CRYZ: variants seen among roughly 807,000 people sequenced by gnomAD.
The protein encoded by CRYZ is crystallin zeta, also known as zeta-crystallin.
CRYZ carries 35 observed loss-of-function variants against 34.1 expected under a neutral mutation model. The observed-to-expected ratio is 1.03, with a 90% CI of 0.78 to 1.36. The LOEUF is 1.36. CRYZ is among the 40% of genes most tolerant of loss of function. The probability of loss-of-function intolerance (pLI) is 0.00; values close to 1 mark genes in which losing one functional copy is unlikely to be tolerated. For missense variants in CRYZ, 403 were observed against 391.8 expected (o/e 1.03, Z -0.24); for synonymous variants, 137 against 136.5 (o/e 1.00, Z -0.03).
Position 74,714,560 on chromosome 1 carries a change from C to T in CRYZ, c.480+19G>A, listed in dbSNP as rs1647045739. On this transcript the variant is annotated intron_variant, in intron 5 of 8. Transcript: ENST00000340866. ...ATAAACCCAAGCTTGTTTCAAAATA[C>T]ATTAAAAAAAATACTTACTCCTCCA... 6.2e-7 allele frequency: 1 copy of T among 1,611,276 alleles called. No individual in the cohort carries two copies. Among genetic ancestry groups the T allele is most frequent in the African/African-American group, 1.3e-5 (1 of 74,928 alleles).
intron 5 of CRYZ, among the ~76,000 whole-genome samples, chr1:74,712,566 G>A (rs1029325321): frequency 1.3e-5 from 2 of 152,152 alleles, no homozygotes; most frequent in Non-Finnish European, 2.9e-5. Flanking sequence ...TGGGAATAAC[G>A]AGGCTGGACT....
chr1:74,709,601 G>C (rs1313616752), intron 6 of CRYZ, among the ~76,000 whole-genome samples: 3 of 152,178 alleles, frequency 2.0e-5, no homozygotes, highest in Admixed American at 2.0e-4. Flanking sequence ...CTTGAATTCT[G>C]TTAAATGCAG....
chr1:74,715,577 C>A (rs144132624), intron 4 of CRYZ, among the ~76,000 whole-genome samples: 1 of 152,218 alleles, frequency 6.6e-6, no homozygotes, highest in Non-Finnish European at 1.5e-5. Context: ...ATAAGTGAAG[C>A]TTTCTCCCAC....
intron 5 of CRYZ, 65 bp from the exon 6 acceptor site, chr1:74,710,312 A>T: frequency 1.4e-6 from 2 of 1,458,490 alleles, no homozygotes; most frequent in Non-Finnish European, 9.3e-7. Context: ...TTAAATACAT[A>T]CAATGAACTT....
intron 8 of CRYZ, 112 bp from the exon 9 acceptor site, chr1:74,706,569 A>G: frequency 9.9e-7 from 1 of 1,012,132 alleles, no homozygotes; most frequent in Non-Finnish European, 1.4e-6. Context: ...GTCTCTTACA[A>G]ATGTGTGACT....
chr1:74,723,574 A>G (rs765517172), intron 2 of CRYZ, among the ~76,000 whole-genome samples: 4 of 152,246 alleles, frequency 2.6e-5, no homozygotes, highest in Non-Finnish European at 4.4e-5. Flanking sequence ...GGGTACACAG[A>G]AAGAGTGGTA....
chr1:74,724,448 A>G (rs1474873914), intron 2 of CRYZ, among the ~76,000 whole-genome samples: 1 of 152,220 alleles, frequency 6.6e-6, no homozygotes, highest in Non-Finnish European at 1.5e-5. Flanking sequence ...GTCCATTCAG[A>G]AAAATCCAAT....
chr1:74,710,589 G>A (rs1386246361), intron 5 of CRYZ, among the ~76,000 whole-genome samples: 1 of 152,202 alleles, frequency 6.6e-6, no homozygotes, highest in Non-Finnish European at 1.5e-5. Flanking sequence ...AGTTAGACCA[G>A]TCTGACTGCA....
At chr1:74,732,110 C>A (rs958093744) in intron 1 of CRYZ, among the ~76,000 whole-genome samples, 2 of 139,748 alleles carry the variant, frequency 1.4e-5, no homozygotes, top group Admixed American at 7.1e-5. Context: ...CTGGGCTGTG[C>A]GAAGGGGCAC....
chr1:74,727,689 T>C (rs1647451111), intron 1 of CRYZ, among the ~76,000 whole-genome samples: 1 of 148,942 alleles, frequency 6.7e-6, no homozygotes, highest in Non-Finnish European at 1.5e-5. Context: ...TCATGAGACT[T>C]ACTATCATGG....
chr1:74,712,167 G>C (rs1205169513), intron 5 of CRYZ, among the ~76,000 whole-genome samples: 1 of 152,286 alleles, frequency 6.6e-6, no homozygotes, highest in Admixed American at 6.5e-5. Flanking sequence ...AACAATACTA[G>C]GAAATATATC....
intron 4 of CRYZ, among the ~76,000 whole-genome samples, chr1:74,719,002 A>T (rs1463062300): frequency 6.6e-6 from 1 of 152,152 alleles, no homozygotes; most frequent in Non-Finnish European, 1.5e-5. Context: ...GACTGTGAGC[A>T]TCTTGAAGAC....
chr1:74,707,008 C>T lies in CRYZ; in HGVS notation c.733-14G>A, dbSNP rs1212010015. 1.2e-6 allele frequency: 2 copies of T among 1,606,840 alleles called. No individual in the cohort carries two copies. The highest frequency in any genetic ancestry group is 2.2e-5 in the South Asian group (2 of 90,670). On this transcript the variant is annotated splice_polypyrimidine_tract_variant and intron_variant, in intron 7 of 8. Coordinates refer to ENST00000340866, the MANE Select transcript of CRYZ (RefSeq NM_001889.4). Reference sequence around the variant, plus strand: ...GCTGCCAACAACCTAACATGAAAAACAGCAATTCTACAGTTAAAGATTACT... The same window carrying T: ...GCTGCCAACAACCTAACATGAAAAATAGCAATTCTACAGTTAAAGATTACT...
rs754860270 is a variant in CRYZ at position 74,706,995 on chromosome 1, C to T, written c.733-1G>A. On this transcript the variant is annotated splice_acceptor_variant, in intron 7 of 8. Transcript: ENST00000340866. LOFTEE classifies it high-confidence loss of function. The stretch of plus-strand genomic sequence containing the variant: ...CAATAGTACCTCTGCTGCCAACAAC[C>T]TAACATGAAAAACAGCAATTCTACA... 1.4e-5 allele frequency: 22 copies of T among 1,611,390 alleles called. No individual in the cohort carries two copies. The highest frequency in any genetic ancestry group is 1.9e-5 in the Non-Finnish European group (22 of 1,178,734).
chr1:74,727,976 T>C (rs992252316), intron 1 of CRYZ, among the ~76,000 whole-genome samples: 6 of 152,218 alleles, frequency 3.9e-5, no homozygotes, highest in Non-Finnish European at 7.3e-5. Flanking sequence ...CACTTCTACA[T>C]GAGTATGTAA....
At chr1:74,715,356 T>A (rs1159933101) in intron 4 of CRYZ, among the ~76,000 whole-genome samples, 1 of 152,206 alleles carries the variant, frequency 6.6e-6, no homozygotes, top group Non-Finnish European at 1.5e-5. Context: ...GCCTCACTAT[T>A]CCAGATGGAC....
At chr1:74,725,093 T>C (rs760815832) in intron 1 of CRYZ, among the ~76,000 whole-genome samples, 2 of 152,222 alleles carry the variant, frequency 1.3e-5, no homozygotes, top group African/African-American at 4.8e-5. Flanking sequence ...AACATCTGGA[T>C]AGACATAGCA....
chr1:74,729,310 G>A (rs1647563614), intron 1 of CRYZ, among the ~76,000 whole-genome samples: 1 of 151,836 alleles, frequency 6.6e-6, no homozygotes, highest in Non-Finnish European at 1.5e-5. Flanking sequence ...ACGTGCTAGA[G>A]ACGTGGCAAG....
At chr1:74,719,990 T>A (rs562629331) in intron 3 of CRYZ, among the ~76,000 whole-genome samples, 8 of 152,142 alleles carry the variant, frequency 5.3e-5, no homozygotes, top group African/African-American at 1.9e-4. Flanking sequence ...TGGAGTGTTA[T>A]CTAATTTCAT....
Sources: gnomAD v4.1 joint callset for allele counts (sites outside exome capture counted in the v4.1 genomes callset) on GRCh38, gnomAD v4.1.1 for gene constraint, MANE v1.5 for transcripts, NCBI Gene and HGNC (gene_info 2026-07-23, HGNC 2026-07-21) for gene names.